Variants in FOXN4 observed in about 807,000 individuals in gnomAD.
FOXN4 encodes forkhead box N4, also known as forkhead box protein N4.
Under a neutral mutation model 45.0 loss-of-function variants are expected in FOXN4, and 12 were observed. The observed-to-expected ratio is 0.27, with a 90% CI of 0.17 to 0.43. The LOEUF (loss-of-function observed/expected upper bound fraction) is 0.43, where lower values mean the gene tolerates loss of function less well. Ranked by LOEUF, FOXN4 falls within the 20% of genes least tolerant of loss-of-function variation. The pLI, the probability that FOXN4 is intolerant of heterozygous loss-of-function variation, is 1.00. For missense variants in FOXN4, 560 were observed against 694.9 expected, an observed-to-expected ratio of 0.81 and a Z score of 2.18; for synonymous variants, 297 against 295.0, an observed-to-expected ratio of 1.01 and a Z score of -0.07.
chr12:109,299,370 G>T (rs184423207), intron 2 of FOXN4, among the ~76,000 whole-genome samples: 2 of 151,802 alleles, frequency 1.3e-5, no homozygotes, highest in Non-Finnish European at 2.9e-5. Context: ...GCACACACAC[G>T]TGCACACACA....
chr12:109,304,934 G>A (rs377282295), intron 2 of FOXN4, among the ~76,000 whole-genome samples: 16 of 152,328 alleles, frequency 1.1e-4, no homozygotes, highest in Middle Eastern at 3.4e-3. Flanking sequence ...TGACCCATTC[G>A]AAGTGCAGAA....
intron 7 of FOXN4, among the ~76,000 whole-genome samples, 174 bp from the exon 8 acceptor site, chr12:109,285,685 A>G (rs2047703202): frequency 6.6e-6 from 1 of 152,100 alleles, no homozygotes; most frequent in African/African-American, 2.4e-5. Flanking sequence ...GACTGAGGCC[A>G]ACTGGTGTGG....
At chr12:109,301,893 C>A (rs1250908790) in intron 2 of FOXN4, among the ~76,000 whole-genome samples, 1 of 152,132 alleles carries the variant, frequency 6.6e-6, no homozygotes, top group East Asian at 1.9e-4. Context: ...CAGCCCAGCC[C>A]AGCCCCAACA....
intron 2 of FOXN4, among the ~76,000 whole-genome samples, chr12:109,293,276 T>C (rs568507787): frequency 1.3e-5 from 2 of 152,314 alleles, no homozygotes; most frequent in Admixed American, 1.3e-4. Flanking sequence ...CCTGACTCCC[T>C]GTGCAGGTTC....
Position 109,279,661 on chromosome 12 carries a change from G to C in FOXN4, c.*10C>G. On this transcript the variant is annotated 3_prime_UTR_variant, in exon 10 of 10. Coordinates refer to ENST00000299162, the MANE Select transcript of FOXN4 (RefSeq NM_213596.3). ...GGTGCCGGGGTTCCAGGGCAGGTGAGGCTGACAGCTCAAAGCAGGGCTATA... is the reference window on the plus strand; with the variant it reads ...GGTGCCGGGGTTCCAGGGCAGGTGACGCTGACAGCTCAAAGCAGGGCTATA... 6.4e-7 allele frequency: 1 copy of C among 1,569,232 alleles called. No homozygotes were observed.
At position 109,279,190 on chromosome 12, in the gene FOXN4, C is replaced by A. The variant is rs527289732; in HGVS notation, c.*481G>T. 5.3e-6 allele frequency: 1 copy of A among 189,092 alleles called. No homozygotes were observed. The highest frequency in any genetic ancestry group is 1.1e-5 in the Non-Finnish European group (1 of 89,856). The allele number at this position is 189,092 out of a possible 1,614,324, so 11.7% of individuals were successfully genotyped here. On this transcript the variant is annotated 3_prime_UTR_variant, in exon 10 of 10. Coordinates refer to ENST00000299162, the MANE Select transcript of FOXN4 (RefSeq NM_213596.3). Reference sequence around the variant, plus strand: ...GCTCCATTTCCCGCCCTGGGCCTGTCCCCCGGAGGCTGCGGCTGAGGTTTG... The same window carrying A: ...GCTCCATTTCCCGCCCTGGGCCTGTACCCCGGAGGCTGCGGCTGAGGTTTG...
chr12:109,285,284 G>A lies in FOXN4; in HGVS notation c.901+20C>T. On this transcript the variant is annotated intron_variant, in intron 8 of 9. Coordinates refer to ENST00000299162, the MANE Select transcript of FOXN4 (RefSeq NM_213596.3). ...GTGTGTGTGTGTGTGTGCGCGCACT[G>A]CGGGCTGTCCGGCCCTCACCAGGGT... The A allele has an allele frequency of 6.5e-7, 1 of 1,531,810 alleles. No homozygotes were observed. The highest frequency in any genetic ancestry group is 8.9e-7 in the Non-Finnish European group (1 of 1,126,906). 94.9% of individuals were successfully genotyped at this position (1,531,810 alleles called of 1,614,324 possible).
chr12:109,286,770 A>AGGAGGTGGGGCC (rs2047715938), intron 6 of FOXN4, 26 bp from the exon 7 acceptor site: 2 of 1,570,990 alleles, frequency 1.3e-6, no homozygotes, highest in Non-Finnish European at 1.7e-6. Flanking sequence ...GGGGCAGGGC[A>AGGAGGTGGGGCC]GGGCAGGGCA....
intron 2 of FOXN4, among the ~76,000 whole-genome samples, chr12:109,300,316 C>A (rs2047858167): frequency 6.6e-6 from 1 of 152,104 alleles, no homozygotes; most frequent in South Asian, 2.1e-4. Context: ...CTGATTGACG[C>A]CAGAATGCAC....
chr12:109,307,235 G>C (rs566642820), intron 2 of FOXN4, among the ~76,000 whole-genome samples: 107 of 152,220 alleles, frequency 7.0e-4, no homozygotes, highest in Non-Finnish European at 1.1e-3. Context: ...GTGACCCCGG[G>C]GGGGCCAGAC....
chr12:109,287,723 A>G lies in FOXN4; in HGVS notation c.468+121T>C. On this transcript the variant is annotated intron_variant, in intron 5 of 9. Coordinates refer to ENST00000299162, the MANE Select transcript of FOXN4 (RefSeq NM_213596.3). This position sits in a 1 kb window ranked among gnomAD's most constrained non-coding sequence, Gnocchi z 4.1. ...ACGGAATGAATGACCCCATGACATGAGCATGGAGGGAATGTTATCCCCATG... is the reference window on the plus strand; with the variant it reads ...ACGGAATGAATGACCCCATGACATGGGCATGGAGGGAATGTTATCCCCATG... 2 of 1,122,310 alleles carry G rather than the reference A, an allele frequency of 1.8e-6. No individual in the cohort carries two copies. The highest frequency in any genetic ancestry group is 3.2e-5 in the South Asian group (2 of 61,672). The allele number at this position is 1,122,310 out of a possible 1,614,324, so 69.5% of individuals were successfully genotyped here. A position where few individuals can be genotyped will look rare whatever the true frequency, so the allele number is the denominator to read the frequency against.
intron 8 of FOXN4, among the ~76,000 whole-genome samples, chr12:109,283,822 C>T (rs1718728699): frequency 6.6e-6 from 1 of 152,242 alleles, no homozygotes; most frequent in South Asian, 2.1e-4. Context: ...TTTCTCATTT[C>T]TAATACTTGC....
intron 2 of FOXN4, among the ~76,000 whole-genome samples, chr12:109,294,812 G>A (rs950559528): frequency 6.6e-5 from 10 of 150,716 alleles, no homozygotes; most frequent in Non-Finnish European, 1.2e-4. Context: ...AGGTCAGCAC[G>A]TGCCCCTCTC....
chr12:109,291,302 G>A lies in FOXN4; in HGVS notation c.87-1016C>T, dbSNP rs1354492820. Among the ~76,000 whole-genome samples the A allele has an allele frequency of 2.0e-5, 3 of 151,514 alleles. No individual in the cohort carries two copies. The highest frequency in any genetic ancestry group is 2.0e-4 in the East Asian group (1 of 5,126). ...CTTACACCACCATCCGGGCCCTGTC[G>A]TGATGGTGCAGACCAGCCCAGGAGC... On this transcript the variant is annotated intron_variant, in intron 2 of 9. Transcript: ENST00000299162. The surrounding 1 kb of genome is among the most constrained non-coding windows in gnomAD (Gnocchi z 6.6).
chr12:109,296,547 C>T (rs2047818768), intron 2 of FOXN4, among the ~76,000 whole-genome samples: 1 of 152,134 alleles, frequency 6.6e-6, no homozygotes, highest in African/African-American at 2.4e-5. Context: ...AACTGGTGGC[C>T]CCAGGGAGGG....
chr12:109,304,726 C>G (rs1036501484), intron 2 of FOXN4, among the ~76,000 whole-genome samples: 3 of 152,202 alleles, frequency 2.0e-5, no homozygotes, highest in Non-Finnish European at 2.9e-5. Flanking sequence ...GGCGGCTGCA[C>G]GAGAGGCTGG....
rs2047773434 is a variant in FOXN4, at chr12:109,291,960, AC to A, written c.87-1675del. Among the ~76,000 whole-genome samples, 1 of 150,258 alleles carries A rather than the reference AC, an allele frequency of 6.7e-6. No homozygotes were observed. The highest frequency in any genetic ancestry group is 1.5e-5 in the Non-Finnish European group (1 of 67,822). On this transcript the variant is annotated intron_variant, in intron 2 of 9. Transcript: ENST00000299162. The surrounding 1 kb of genome is among the most constrained non-coding windows in gnomAD (Gnocchi z 6.6). Reference sequence around the variant, plus strand: ...TCCGGCCGCCACCCCTCCGGCTGCCACCCCTCCGGCCTGCTCGTAACTCATC... The same window carrying A: ...TCCGGCCGCCACCCCTCCGGCTGCCACCCTCCGGCCTGCTCGTAACTCATC...
intron 2 of FOXN4, among the ~76,000 whole-genome samples, chr12:109,304,288 AAAGAAAGG>A (rs1266041885): frequency 1.8e-4 from 9 of 50,686 alleles, no homozygotes; most frequent in African/African-American, 5.4e-4. Context: ...AGAAAGAAAG[AAAGAAAGG>A]AGAAAGAAAG....
In FOXN4 at chr12:109,286,759, TGGGGCAGGGC is replaced by T. The variant is rs773980637; in HGVS notation, c.597-25_597-16del. Reference sequence around the variant, plus strand: ...CGATCAGACAGCTGGGGGCAGGAGGTGGGGCAGGGCAGGGCAGGGCAGGACAGGGCAGGCC... The same window carrying T: ...CGATCAGACAGCTGGGGGCAGGAGGTAGGGCAGGGCAGGACAGGGCAGGCC... On this transcript the variant is annotated splice_polypyrimidine_tract_variant and intron_variant, in intron 6 of 9. Coordinates refer to ENST00000299162, the MANE Select transcript of FOXN4 (RefSeq NM_213596.3). 3.8e-6 allele frequency: 6 copies of T among 1,598,504 alleles called. No individual in the cohort carries two copies. The African/African-American group carries it at 8.2e-5, about 22-fold the overall frequency.
Sources: gnomAD v4.1 joint callset for allele counts (sites outside exome capture counted in the v4.1 genomes callset) on GRCh38, gnomAD v4.1.1 for gene constraint, Gnocchi (gnomAD v3.1) non-coding constraint, MANE v1.5 for transcripts, NCBI Gene and HGNC (gene_info 2026-07-23, HGNC 2026-07-21) for gene names.